Variants in PTPRT observed in about 807,000 individuals in gnomAD.
PTPRT encodes receptor-type tyrosine-protein phosphatase T.
In PTPRT, 56 loss-of-function variants were observed where a neutral mutation model predicts 176.8. The ratio of observed to expected loss-of-function variants is 0.32; its 90% CI spans 0.26 to 0.40. The LOEUF is 0.40. PTPRT is among the 10% of genes least tolerant of loss of function. The pLI is 1.00. For missense variants in PTPRT, 1,540 were observed against 1,908.2 expected, an observed-to-expected ratio of 0.81 and a Z score of 3.60; for synonymous variants, 783 against 739.0, an observed-to-expected ratio of 1.06 and a Z score of -0.96.
chr20:42,087,221 CATTATA>C (rs988197810), intron 27 of PTPRT, among the ~76,000 whole-genome samples: 6 of 151,106 alleles, frequency 4.0e-5, no homozygotes, highest in Non-Finnish European at 8.8e-5. Flanking sequence ...AGTATAAAAT[CATTATA>C]ATTATTATTA....
intron 9 of PTPRT, among the ~76,000 whole-genome samples, chr20:42,397,235 A>C (rs1383411216): frequency 6.6e-6 from 1 of 152,260 alleles, no homozygotes; most frequent in African/African-American, 2.4e-5. Flanking sequence ...CACAGGTTAT[A>C]AACAATTTTT....
In PTPRT at chr20:42,851,636, G is replaced by A. The variant is rs1354214204; in HGVS notation, c.214+34171C>T. Among the ~76,000 whole-genome samples, 3 of 152,296 alleles carry A rather than the reference G, an allele frequency of 2.0e-5. No individual in the cohort carries two copies. The East Asian group carries it at 5.8e-4, about 29-fold the overall frequency. On this transcript the variant is annotated intron_variant, in intron 2 of 30. Transcript: ENST00000373187. ...CTGCTCTCCATGTGTCAAAGCAGGG[G>A]TCAGCAAATATTTTTCGTAAAGAGC...
intron 18 of PTPRT, among the ~76,000 whole-genome samples, chr20:42,137,684 T>C (rs190760907): frequency 3.8e-4 from 58 of 152,310 alleles, no homozygotes; most frequent in African/African-American, 1.3e-3. Context: ...TAAAAGTCTG[T>C]GACTTAAGGG....
chr20:42,844,216 C>T (rs1355098700), intron 2 of PTPRT, among the ~76,000 whole-genome samples: 1 of 152,140 alleles, frequency 6.6e-6, no homozygotes, highest in African/African-American at 2.4e-5. Context: ...ATTGCAGTCA[C>T]AGTAATAATA....
At position 42,369,932 on chromosome 20, in the gene PTPRT, T is replaced by C. The variant is rs143477213; in HGVS notation, c.1561-17647A>G. Among the ~76,000 whole-genome samples the C allele has an allele frequency of 8.5e-5, 13 of 152,320 alleles. No individual in the cohort carries two copies. The East Asian group carries it at 1.5e-3, about 18-fold the overall frequency. ...ACATCTCACCTAAGTGAACACCTCA[T>C]CTGGATCTTCAATCTTTTCCTTGCT... is the stretch of plus-strand genomic sequence containing the variant. On this transcript the variant is annotated intron_variant, in intron 9 of 30. Transcript: ENST00000373187.
chr20:42,172,172 G>A (rs1006069267), intron 16 of PTPRT, among the ~76,000 whole-genome samples: 25 of 151,972 alleles, frequency 1.6e-4, no homozygotes, highest in African/African-American at 5.3e-4. Flanking sequence ...AACTTCTTGA[G>A]ATAAAAAAAC....
chr20:42,682,537 T>C (rs2075621043), intron 6 of PTPRT, among the ~76,000 whole-genome samples: 1 of 152,222 alleles, frequency 6.6e-6, no homozygotes, highest in Non-Finnish European at 1.5e-5. Flanking sequence ...CACACCATCA[T>C]CTGTGCAAAG....
rs1378979488 is a variant in PTPRT at position 42,110,452 on chromosome 20, G to A, written c.3135C>T (p.Phe1045=). 2 of 1,611,424 alleles carry A rather than the reference G, an allele frequency of 1.2e-6. No homozygotes were observed. The highest frequency in any genetic ancestry group is 1.3e-5 in the African/African-American group (1 of 75,014). ...GYHEIRELRL[F]HFTSWPDHGV... ...CGTGGTCAGGCCAGCTGGTGAAGTG[G>A]AAGAGGCGGAGCTCCCGGATCTCAT... Residue 1045 remains phenylalanine, a synonymous_variant, in exon 23 of 31, where the codon TTC becomes TTT. Coordinates refer to ENST00000373187, the MANE Select transcript of PTPRT (RefSeq NM_007050.6).
chr20:42,905,474 G>A (rs2079462925), intron 1 of PTPRT, among the ~76,000 whole-genome samples: 1 of 152,208 alleles, frequency 6.6e-6, no homozygotes, highest in South Asian at 2.1e-4. Context: ...TGGTGGGAGT[G>A]TAAATTAGTT....
intron 1 of PTPRT, among the ~76,000 whole-genome samples, chr20:42,989,770 A>G (rs1983786513): frequency 6.6e-6 from 1 of 152,194 alleles, no homozygotes; most frequent in South Asian, 2.1e-4. Context: ...ACCTTACTTA[A>G]GTATGATTTC....
intron 7 of PTPRT, among the ~76,000 whole-genome samples, chr20:42,508,940 A>AATATAATTTATATTTAATTTATAG (rs2071901356): frequency 1.4e-5 from 2 of 142,566 alleles, no homozygotes; most frequent in African/African-American, 2.5e-5. Context: ...ATAATTTATA[A>AATATAATTTATATTTAATTTATAG]ATATAATTTA....
intron 27 of PTPRT, among the ~76,000 whole-genome samples, chr20:42,086,767 TG>T (rs1984008061): frequency 8.2e-6 from 1 of 121,496 alleles, no homozygotes. Context: ...TATATATATA[TG>T]GGTTTGACCT....
At chr20:42,450,025 C>T (rs1601046990) in intron 8 of PTPRT, among the ~76,000 whole-genome samples, 1 of 152,150 alleles carries the variant, frequency 6.6e-6, no homozygotes, top group African/African-American at 2.4e-5. Flanking sequence ...TATTTTATCA[C>T]TAAAGAAATT....
chr20:42,973,358 T>G (rs1982765913), intron 1 of PTPRT, among the ~76,000 whole-genome samples: 1 of 152,180 alleles, frequency 6.6e-6, no homozygotes, highest in Admixed American at 6.6e-5. Flanking sequence ...TCTTAACTTT[T>G]GGACCTAAAA....
chr20:42,809,924 A>T (rs1600771156), intron 2 of PTPRT, among the ~76,000 whole-genome samples: 1 of 152,252 alleles, frequency 6.6e-6, no homozygotes, highest in East Asian at 1.9e-4. Context: ...CCGTGATTCA[A>T]CCCCACTACA....
chr20:43,116,578 C>T (rs2013066590), intron 1 of PTPRT, among the ~76,000 whole-genome samples: 1 of 152,202 alleles, frequency 6.6e-6, no homozygotes, highest in African/African-American at 2.4e-5. Flanking sequence ...AAAGACTTAG[C>T]TCACACATTA....
chr20:42,782,409 C>A (rs1211857379), intron 3 of PTPRT, among the ~76,000 whole-genome samples: 1 of 152,160 alleles, frequency 6.6e-6, no homozygotes, highest in Admixed American at 6.5e-5. Flanking sequence ...TACCTAGGTA[C>A]CACATCAATG....
chr20:42,778,589 A>G (rs1312921446), intron 4 of PTPRT, among the ~76,000 whole-genome samples: 14 of 152,162 alleles, frequency 9.2e-5, no homozygotes, highest in Admixed American at 9.2e-4. Context: ...TTTCAGAGAG[A>G]CTACCTCGAA....
At chr20:43,005,729 T>C (rs997758519) in intron 1 of PTPRT, among the ~76,000 whole-genome samples, 4 of 152,214 alleles carry the variant, frequency 2.6e-5, no homozygotes, top group African/African-American at 4.8e-5. Flanking sequence ...ATTCAAATTC[T>C]GGTAAATGAA....
Sources: gnomAD v4.1 joint callset for allele counts (sites outside exome capture counted in the v4.1 genomes callset) on GRCh38, gnomAD v4.1.1 for gene constraint, MANE v1.5 for transcripts, NCBI Gene and HGNC (gene_info 2026-07-23, HGNC 2026-07-21) for gene names.